The following GNB4 variants were observed in gnomAD, a reference collection of about 807,000 sequenced individuals.
The protein encoded by GNB4 is guanine nucleotide-binding protein subunit beta-4.
GNB4 carries 28 observed loss-of-function variants against 45.2 expected under a neutral mutation model. That is an observed-to-expected ratio of 0.62 (90% CI 0.46 to 0.85). The LOEUF (loss-of-function observed/expected upper bound fraction) is 0.85, where lower values mean the gene tolerates loss of function less well. GNB4 is among the 40% of genes least tolerant of loss of function. The pLI, the probability that GNB4 is intolerant of heterozygous loss-of-function variation, is 0.00. For synonymous variants in GNB4, 132 were observed against 143.7 expected (o/e 0.92, Z 0.58); for missense variants, 321 against 425.4 (o/e 0.75, Z 2.16).
chr3:179,506,052 A>G, the GNB4 span, among the ~76,000 whole-genome samples: 1 of 152,250 alleles, frequency 6.6e-6, no homozygotes, highest in Admixed American at 6.5e-5. Flanking sequence ...GTATAGAAAT[A>G]TCACAAGCTG....
rs774430510 is a variant in GNB4 at position 179,413,752 on chromosome 3, C to T, written c.460G>A (p.Asp154Asn). The T allele has an allele frequency of 3.6e-5, 58 of 1,610,254 alleles. No individual in the cohort carries two copies. Among genetic ancestry groups the T allele is most frequent in the Non-Finnish European group, 2.0e-5 (23 of 1,177,810 alleles). ...CCTGAACTTGTAACAATTTGGCTGTCATCTAAAAAACGACAGCAGGACAAG... is the reference window on the plus strand; with the variant it reads ...CCTGAACTTGTAACAATTTGGCTGTTATCTAAAAAACGACAGCAGGACAAG... ...GYLSCCRFLD[D>N]SQIVTSSGDT... Residue 154 changes from aspartate (D) to asparagine (N), a missense_variant, in exon 7 of 10, where the codon GAC becomes AAC. By Grantham distance (23) the Asp-to-Asn change is conservative. Coordinates refer to ENST00000232564, the MANE Select transcript of GNB4 (RefSeq NM_021629.4).
chr3:179,505,417 T>C, the GNB4 span, among the ~76,000 whole-genome samples: 28 of 152,262 alleles, frequency 1.8e-4, no homozygotes, highest in Non-Finnish European at 3.2e-4. Context: ...TCAGATAATA[T>C]CCAGAGTCAG....
the GNB4 span, chr3:179,465,037 T>C: frequency 6.7e-7 from 1 of 1,502,802 alleles, no homozygotes; most frequent in Admixed American, 1.7e-5. Context: ...TTACAATATC[T>C]TATCGATATA....
chr3:179,429,194 T>A (rs1027409822), intron 1 of GNB4, among the ~76,000 whole-genome samples: 16 of 152,188 alleles, frequency 1.1e-4, no homozygotes, highest in African/African-American at 3.9e-4. Context: ...CAATGTCTCC[T>A]CATGAGATGA....
rs749922064 is a variant in GNB4 at position 179,414,876 on chromosome 3, G to T, written c.430+9C>A. The T allele has an allele frequency of 2.6e-6, 4 of 1,561,926 alleles. No homozygotes were observed. Among genetic ancestry groups the T allele is most frequent in the Non-Finnish European group, 3.5e-6 (4 of 1,143,332 alleles). On this transcript the variant is annotated intron_variant, in intron 6 of 9. Transcript: ENST00000232564. ...CGTGTGGTGGGAAAGAATATTTAGG[G>T]AAGCTCACCTGTGTGACCTGGCAAC... is the stretch of plus-strand genomic sequence containing the variant.
the GNB4 span, among the ~76,000 whole-genome samples, chr3:179,476,541 C>A: frequency 6.6e-6 from 1 of 152,180 alleles, no homozygotes; most frequent in African/African-American, 2.4e-5. Flanking sequence ...TAGGGGGGAC[C>A]CTCTTGTAAC....
At chr3:179,452,229 T>C (rs1715903433), upstream of GNB4, among the ~76,000 whole-genome samples, 3 of 151,960 alleles carry the variant, frequency 2.0e-5, no homozygotes, top group African/African-American at 7.3e-5. Flanking sequence ...TTTTTTTTTT[T>C]TTCACATTTA....
chr3:179,492,706 C>T, the GNB4 span, among the ~76,000 whole-genome samples: 9 of 152,186 alleles, frequency 5.9e-5, no homozygotes, highest in African/African-American at 1.4e-4. Context: ...ACCCTGTCTC[C>T]GCAGCCATTC....
the GNB4 span, among the ~76,000 whole-genome samples, chr3:179,498,060 A>G: frequency 3.1e-3 from 470 of 152,354 alleles, 2 homozygotes; most frequent in African/African-American, 0.01. Flanking sequence ...CACAGAAAAT[A>G]AAATCAGTAT....
the GNB4 span, among the ~76,000 whole-genome samples, chr3:179,478,196 G>T: frequency 2.0e-5 from 3 of 152,026 alleles, no homozygotes; most frequent in Non-Finnish European, 4.4e-5. Flanking sequence ...TCTCATGATG[G>T]CAACATTAAA....
the GNB4 span, among the ~76,000 whole-genome samples, chr3:179,519,346 A>G: frequency 1.3e-5 from 2 of 152,276 alleles, no homozygotes; most frequent in Middle Eastern, 3.4e-3. Context: ...GACACTGCCC[A>G]ATCACCTCAA....
At chr3:179,401,358 G>T (rs1163764505) in intron 9 of GNB4, 39 bp from the exon 10 acceptor site, 2 of 1,393,182 alleles carry the variant, frequency 1.4e-6, no homozygotes, top group Non-Finnish European at 2.0e-6. Context: ...CAATTGTAGG[G>T]TTTTAGAATT....
chr3:179,439,826 G>A (rs1715552925), intron 1 of GNB4, among the ~76,000 whole-genome samples: 1 of 152,172 alleles, frequency 6.6e-6, no homozygotes, highest in South Asian at 2.1e-4. Flanking sequence ...ATCATCTTCA[G>A]AGAAAGGCAT....
At position 179,445,912 on chromosome 3, in the gene GNB4, T is replaced by C. The variant is rs554202570; in HGVS notation, c.-43+5434A>G. 3.9e-5 allele frequency among the ~76,000 whole-genome samples: 6 copies of C among 152,256 alleles called. 1 individual carries two copies. Among genetic ancestry groups the C allele is most frequent in the East Asian group, 1.9e-4 (1 of 5,178 alleles). ...GAACAAACCCTGCTAAAGCCAAAAGTGGAGGAACAATTAAGCTGTTACTGC... is the reference window on the plus strand; with the variant it reads ...GAACAAACCCTGCTAAAGCCAAAAGCGGAGGAACAATTAAGCTGTTACTGC... On this transcript the variant is annotated intron_variant, in intron 1 of 9. Transcript: ENST00000232564.
chr3:179,422,921 T>C (rs1292236667), intron 2 of GNB4, among the ~76,000 whole-genome samples: 1 of 151,964 alleles, frequency 6.6e-6, no homozygotes, highest in Non-Finnish European at 1.5e-5. Context: ...GCCTCCCGAG[T>C]AGCTGGGACT....
the GNB4 span, among the ~76,000 whole-genome samples, chr3:179,502,667 T>C: frequency 2.0e-5 from 3 of 152,192 alleles, no homozygotes; most frequent in African/African-American, 7.2e-5. Context: ...TGGTAGCCTG[T>C]AGTCTATCTT....
chr3:179,439,889 A>G (rs1298223275), intron 1 of GNB4, among the ~76,000 whole-genome samples: 1 of 152,254 alleles, frequency 6.6e-6, no homozygotes, highest in African/African-American at 2.4e-5. Flanking sequence ...ACCTCACGAA[A>G]TAATTGAGAC....
chr3:179,470,784 A>C, the GNB4 span, among the ~76,000 whole-genome samples: 1 of 152,074 alleles, frequency 6.6e-6, no homozygotes, highest in Non-Finnish European at 1.5e-5. Flanking sequence ...GCCCGCAAGA[A>C]AATATTTTTA....
the GNB4 span, among the ~76,000 whole-genome samples, chr3:179,519,278 T>C: frequency 6.6e-6 from 1 of 152,106 alleles, no homozygotes; most frequent in African/African-American, 2.4e-5. Context: ...CCCCTAAAAC[T>C]CTGGCCCAAA....
Sources: gnomAD v4.1 joint callset for allele counts (sites outside exome capture counted in the v4.1 genomes callset) on GRCh38, gnomAD v4.1.1 for gene constraint, MANE v1.5 for transcripts, NCBI Gene and HGNC (gene_info 2026-07-23, HGNC 2026-07-21) for gene names.